PTBP3: variants seen among roughly 807,000 people sequenced by gnomAD.
PTBP3 encodes polypyrimidine tract-binding protein 3.
PTBP3 carries 20 observed loss-of-function variants against 58.7 expected under a neutral mutation model. The observed-to-expected ratio is 0.34, with a 90% confidence interval of 0.24 to 0.50. PTBP3 has a LOEUF of 0.50. Among genes scored for constraint, PTBP3 ranks in the 20% least tolerant of loss-of-function variants. PTBP3 has a pLI of 0.98. For missense variants in PTBP3, 509 were observed against 637.2 expected, an observed-to-expected ratio of 0.80 and a Z score of 2.17; for synonymous variants, 185 against 219.8, an observed-to-expected ratio of 0.84 and a Z score of 1.40.
intron 2 of PTBP3, among the ~76,000 whole-genome samples, chr9:112,280,382 C>T (rs1294882963): frequency 2.6e-5 from 4 of 151,712 alleles, no homozygotes; most frequent in African/African-American, 9.7e-5. Flanking sequence ...TTTTTTTTTA[C>T]AGCTTTACTG....
chr9:112,262,671 A>G, intron 4 of PTBP3, 72 bp from the exon 5 acceptor site: 1 of 1,351,054 alleles, frequency 7.4e-7, no homozygotes, highest in Non-Finnish European at 9.8e-7. Context: ...TTTAGTTGAC[A>G]TAAAACAGTA....
chr9:112,252,819 A>G, intron 5 of PTBP3, 31 bp from the exon 6 acceptor site: 1 of 1,248,666 alleles, frequency 8.0e-7, no homozygotes, highest in Non-Finnish European at 1.2e-6. Context: ...GGTTAAATGT[A>G]AAAGAAAAGT....
At chr9:112,317,607 G>A (rs909423586) in intron 1 of PTBP3, among the ~76,000 whole-genome samples, 1 of 152,148 alleles carries the variant, frequency 6.6e-6, no homozygotes, top group African/African-American at 2.4e-5. Flanking sequence ...TATCGGTACT[G>A]AAAAGATGAA....
At chr9:112,242,691 G>A (rs1835707759) in intron 7 of PTBP3, 1 of 152,224 alleles carries the variant, frequency 6.6e-6, no homozygotes, top group Non-Finnish European at 1.5e-5. Flanking sequence ...CAACCTTGTG[G>A]ACCTCCTCTC....
At chr9:112,247,684 T>C (rs1179869804) in intron 7 of PTBP3, among the ~76,000 whole-genome samples, 1 of 152,160 alleles carries the variant, frequency 6.6e-6, no homozygotes, top group Non-Finnish European at 1.5e-5. Context: ...CACTGCACTC[T>C]AGCCTCGAAG....
chr9:112,227,749 G>T (rs978450792), intron 11 of PTBP3, 122 bp from the exon 12 acceptor site: 10 of 753,114 alleles, frequency 1.3e-5, no homozygotes, highest in Non-Finnish European at 2.1e-6. Flanking sequence ...CAGTTTGAGG[G>T]TGAAAAGGGT....
chr9:112,227,743 T>A, intron 11 of PTBP3, 116 bp from the exon 12 acceptor site: 3 of 807,372 alleles, frequency 3.7e-6, no homozygotes, highest in Non-Finnish European at 3.9e-6. Context: ...TATTATCAGT[T>A]TGAGGGTGAA....
chr9:112,369,441 A>C, the PTBP3 span, among the ~76,000 whole-genome samples: 1 of 152,222 alleles, frequency 6.6e-6, no homozygotes, highest in East Asian at 1.9e-4. Context: ...ACGGAGTCAA[A>C]GGAGATTATT....
At chr9:112,225,830 T>C (rs1439356527) in intron 12 of PTBP3, among the ~76,000 whole-genome samples, 1 of 152,124 alleles carries the variant, frequency 6.6e-6, no homozygotes, top group African/African-American at 2.4e-5. Flanking sequence ...GCAGATTGCT[T>C]GAGCTCAGAA....
chr9:112,321,221 G>A (rs1247504509), intron 1 of PTBP3, among the ~76,000 whole-genome samples: 5 of 152,050 alleles, frequency 3.3e-5, no homozygotes, highest in Non-Finnish European at 1.5e-5. Context: ...CTTGGAAGTT[G>A]TCACTTTTGC....
intron 3 of PTBP3, among the ~76,000 whole-genome samples, chr9:112,270,135 CAG>C (rs1827310289): frequency 6.6e-5 from 10 of 152,032 alleles, no homozygotes; most frequent in Admixed American, 6.6e-4. Context: ...ATAGTAGAGA[CAG>C]GGAGTCGCCA....
chr9:112,317,785 A>G (rs946340066), intron 1 of PTBP3, among the ~76,000 whole-genome samples: 1 of 152,064 alleles, frequency 6.6e-6, no homozygotes, highest in Non-Finnish European at 1.5e-5. Flanking sequence ...TGTCTCTACT[A>G]AAAATACAAA....
Position 112,222,384 on chromosome 9 carries a change from AG to A in PTBP3, c.*1466del. ...TCATACTCCAAATACGTGGGTACTC[AG>A]TAATGAAAGTCACATTAACAAAGAA... On this transcript the variant is annotated 3_prime_UTR_variant, in exon 14 of 14. Coordinates refer to ENST00000374257, the MANE Select transcript of PTBP3 (RefSeq NM_001163788.4). 1.0e-6 allele frequency: 1 copy of A among 985,746 alleles called. No individual in the cohort carries two copies. The highest frequency in any genetic ancestry group is 1.2e-6 in the Non-Finnish European group (1 of 829,914). The allele number at this position is 985,746 out of a possible 1,614,324, so 61.1% of individuals were successfully genotyped here.
intron 3 of PTBP3, among the ~76,000 whole-genome samples, chr9:112,270,093 T>C (rs780565653): frequency 6.6e-6 from 1 of 152,070 alleles, no homozygotes; most frequent in Non-Finnish European, 1.5e-5. Flanking sequence ...TACAAGCGCA[T>C]GATACCACGA....
At position 112,306,609 on chromosome 9, in the gene PTBP3, TGTTTG is replaced by T. The variant is rs1439120220; in HGVS notation, c.-51-8698_-51-8694del. On this transcript the variant is annotated intron_variant, in intron 1 of 13. Coordinates refer to ENST00000374257, the MANE Select transcript of PTBP3 (RefSeq NM_001163788.4). ...TTGTATATATATATATATATATTTTTGTTTGTTTGTTTGTTTGTTTGTTTTGAGAC... is the reference window on the plus strand; with the variant it reads ...TTGTATATATATATATATATATTTTTTTTGTTTGTTTGTTTGTTTTGAGAC... Among the ~76,000 whole-genome samples, 583 of 62,394 alleles carry T rather than the reference TGTTTG, an allele frequency of 9.3e-3. 5 individuals are homozygous for T. Among genetic ancestry groups the T allele is most frequent in the African/African-American group, 0.051 (547 of 10,770 alleles). The allele number at this position is 62,394 out of a possible 152,430, so 40.9% of individuals were successfully genotyped here.
rs1229292350 is a variant in PTBP3, at chr9:112,223,652, A to T, written c.*199T>A. 4.7e-6 allele frequency: 6 copies of T among 1,282,992 alleles called. No individual in the cohort carries two copies. Among genetic ancestry groups the T allele is most frequent in the Non-Finnish European group, 4.9e-6 (5 of 1,013,122 alleles). 79.5% of individuals were successfully genotyped at this position (1,282,992 alleles called of 1,614,324 possible). A position where few individuals can be genotyped will look rare whatever the true frequency, so the allele number is the denominator to read the frequency against. On this transcript the variant is annotated 3_prime_UTR_variant, in exon 14 of 14. Coordinates refer to ENST00000374257, the MANE Select transcript of PTBP3 (RefSeq NM_001163788.4). ...TATTTTTGTAGAAACCATGGTAAAA[A>T]GGGAAAAGAAACCTTTGACTGGCGG...
chr9:112,268,731 A>T (rs56049303), intron 3 of PTBP3, among the ~76,000 whole-genome samples: 10 of 147,296 alleles, frequency 6.8e-5, no homozygotes, highest in African/African-American at 1.7e-4. Flanking sequence ...AAAAAAAAAA[A>T]AAAAGGATTT....
chr9:112,255,529 C>T (rs774255698), intron 5 of PTBP3, among the ~76,000 whole-genome samples: 7 of 152,052 alleles, frequency 4.6e-5, no homozygotes, highest in Non-Finnish European at 1.0e-4. Flanking sequence ...TCTGACCTCC[C>T]TTCTTCATTA....
chr9:112,364,285 A>G, the PTBP3 span, among the ~76,000 whole-genome samples: 1 of 149,946 alleles, frequency 6.7e-6, no homozygotes, highest in African/African-American at 2.5e-5. Flanking sequence ...TCAAGAAGAC[A>G]AAAAAAAAGC....
Sources: gnomAD v4.1 joint callset for allele counts (sites outside exome capture counted in the v4.1 genomes callset) on GRCh38, gnomAD v4.1.1 for gene constraint, MANE v1.5 for transcripts, NCBI Gene and HGNC (gene_info 2026-07-23, HGNC 2026-07-21) for gene names.